OPCML: variants seen among roughly 807,000 people sequenced by gnomAD.
The protein encoded by OPCML is opioid-binding protein/cell adhesion molecule.
A neutral mutation model predicts 37.8 loss-of-function variants in OPCML; 13 were observed. The ratio of observed to expected loss-of-function variants is 0.34; its 90% CI spans 0.22 to 0.55. The LOEUF (loss-of-function observed/expected upper bound fraction) is 0.55. Ranked by LOEUF, OPCML falls within the 20% of genes least tolerant of loss-of-function variation. The pLI is 0.91. For missense variants in OPCML, 341 were observed against 435.6 expected, an observed-to-expected ratio of 0.78 and a Z score of 1.93; for synonymous variants, 176 against 168.8, an observed-to-expected ratio of 1.04 and a Z score of -0.33.
At chr11:132,489,935 G>A (rs140279572) in intron 4 of OPCML, among the ~76,000 whole-genome samples, 30 of 152,206 alleles carry the variant, frequency 2.0e-4, no homozygotes, top group African/African-American at 7.0e-4. Flanking sequence ...GTGAGAACAT[G>A]CAGTGTTTGG....
intron 3 of OPCML, among the ~76,000 whole-genome samples, chr11:132,603,614 A>G (rs1938073973): frequency 2.6e-5 from 4 of 152,226 alleles, no homozygotes; most frequent in Admixed American, 2.6e-4. Context: ...TCTGAACTGT[A>G]TAATTGCCCA....
At chr11:133,505,468 T>C (rs1948006621) in intron 1 of OPCML, among the ~76,000 whole-genome samples, 1 of 152,204 alleles carries the variant, frequency 6.6e-6, no homozygotes, top group Non-Finnish European at 1.5e-5. Flanking sequence ...TACCACCAAA[T>C]GCACCTGTCT....
intron 1 of OPCML, among the ~76,000 whole-genome samples, chr11:133,059,964 C>G (rs541239615): frequency 6.6e-6 from 1 of 152,300 alleles, no homozygotes; most frequent in Non-Finnish European, 1.5e-5. Flanking sequence ...ATCTTTACAG[C>G]TGTTGATACT....
chr11:133,305,211 C>T (rs1470766551), intron 1 of OPCML, among the ~76,000 whole-genome samples: 4 of 152,178 alleles, frequency 2.6e-5, no homozygotes, highest in Admixed American at 2.6e-4. Flanking sequence ...GAAGCAGGCA[C>T]AGTGACTGTC....
At chr11:132,846,804 A>G (rs1591694204) in intron 2 of OPCML, among the ~76,000 whole-genome samples, 1 of 152,216 alleles carries the variant, frequency 6.6e-6, no homozygotes, top group East Asian at 1.9e-4. Context: ...GGAACTCCCT[A>G]CCTTCCTACT....
At chr11:132,722,845 T>C (rs1322812199) in intron 2 of OPCML, among the ~76,000 whole-genome samples, 1 of 152,198 alleles carries the variant, frequency 6.6e-6, no homozygotes, top group Non-Finnish European at 1.5e-5. Context: ...ATTGCTTCAG[T>C]GTCACTAAAG....
chr11:133,381,859 G>A (rs1944936804), intron 1 of OPCML, among the ~76,000 whole-genome samples: 1 of 152,184 alleles, frequency 6.6e-6, no homozygotes. Context: ...GTAAGTTCTA[G>A]GGTCTTTAAA....
chr11:133,421,318 A>C (rs1945881157), intron 1 of OPCML: 1 of 985,272 alleles, frequency 1.0e-6, no homozygotes, highest in Admixed American at 6.2e-5. Context: ...GGCTCAAGAG[A>C]GTGAATTTAA....
intron 1 of OPCML, among the ~76,000 whole-genome samples, chr11:132,959,927 C>G (rs1946056243): frequency 6.6e-6 from 1 of 152,128 alleles, no homozygotes; most frequent in African/African-American, 2.4e-5. Context: ...GGAACACCGT[C>G]CAAAACACTC....
At chr11:132,489,370 A>G (rs1271232034) in intron 4 of OPCML, among the ~76,000 whole-genome samples, 2 of 152,222 alleles carry the variant, frequency 1.3e-5, no homozygotes, top group Non-Finnish European at 2.9e-5. Flanking sequence ...GTTACCTTTT[A>G]AAAAATATAT....
intron 1 of OPCML, among the ~76,000 whole-genome samples, chr11:133,009,529 T>A (rs1454563884): frequency 6.6e-6 from 1 of 152,174 alleles, no homozygotes; most frequent in Non-Finnish European, 1.5e-5. Context: ...GAAACATTAG[T>A]CCACTCTATA....
chr11:132,590,616 T>C (rs767900949), intron 3 of OPCML, among the ~76,000 whole-genome samples: 2 of 152,204 alleles, frequency 1.3e-5, no homozygotes, highest in Non-Finnish European at 2.9e-5. Context: ...TCAAACAGAT[T>C]AGAAAGCTTA....
chr11:133,053,570 A>C (rs1429593402), intron 1 of OPCML, among the ~76,000 whole-genome samples: 1 of 152,228 alleles, frequency 6.6e-6, no homozygotes, highest in Non-Finnish European at 1.5e-5. Context: ...TGCAAAAAAC[A>C]ATGATGAAAT....
At chr11:132,992,671 GAATGGGGAGC>G (rs1368914170) in intron 1 of OPCML, among the ~76,000 whole-genome samples, 1 of 152,170 alleles carries the variant, frequency 6.6e-6, no homozygotes, top group Non-Finnish European at 1.5e-5. Context: ...GGAGAATAAT[GAATGGGGAGC>G]AAGGGGTGCT....
intron 3 of OPCML, among the ~76,000 whole-genome samples, chr11:132,644,807 A>T: frequency 6.6e-6 from 1 of 152,222 alleles, no homozygotes; most frequent in East Asian, 1.9e-4. Context: ...TTTATTGTTG[A>T]TTGTTGGGAT....
intron 1 of OPCML, among the ~76,000 whole-genome samples, chr11:133,096,696 T>C (rs1308979073): frequency 6.6e-6 from 1 of 152,060 alleles, no homozygotes; most frequent in Non-Finnish European, 1.5e-5. Context: ...AAATATGCCA[T>C]GGTAACACTA....
intron 1 of OPCML, among the ~76,000 whole-genome samples, chr11:132,965,902 T>C (rs898074242): frequency 6.6e-6 from 1 of 152,222 alleles, no homozygotes; most frequent in African/African-American, 2.4e-5. Flanking sequence ...TCCCTTCTTT[T>C]ATTTCTAATT....
intron 2 of OPCML, among the ~76,000 whole-genome samples, chr11:132,725,766 G>A (rs186037641): frequency 0.021 from 2,941 of 142,730 alleles, 56 homozygotes; most frequent in Non-Finnish European, 0.033. Context: ...GGGCAACAGC[G>A]AGACTCCATC....
At chr11:133,151,272 C>CAATAAT (rs528384274) in intron 1 of OPCML, among the ~76,000 whole-genome samples, 14 of 151,046 alleles carry the variant, frequency 9.3e-5, no homozygotes, top group East Asian at 2.0e-4. Context: ...GACTCTGTCT[C>CAATAAT]AATAATAATA....
Sources: allele counts gnomAD v4.1 joint callset (sites outside exome capture counted in the v4.1 genomes callset), GRCh38; gene constraint gnomAD v4.1.1; transcripts MANE v1.5; gene names NCBI Gene and HGNC (gene_info 2026-07-23, HGNC 2026-07-21).